ITGAM: variants seen among roughly 807,000 people sequenced by gnomAD.
ITGAM encodes the protein integrin subunit alpha M, also known as integrin alpha-M.
A neutral mutation model predicts 137.5 loss-of-function variants in ITGAM; 79 were observed. That is an observed-to-expected ratio of 0.57 (90% confidence interval 0.48 to 0.69). ITGAM has a LOEUF of 0.69. ITGAM is among the 30% of genes least tolerant of loss of function. ITGAM has a pLI of 0.00. For missense variants in ITGAM, 1,343 were observed against 1,483.5 expected, an observed-to-expected ratio of 0.91 and a Z score of 1.56; for synonymous variants, 583 against 592.3, an observed-to-expected ratio of 0.98 and a Z score of 0.23.
chr16:31,310,153 G>A (rs560250623), intron 14 of ITGAM, among the ~76,000 whole-genome samples: 1 of 151,950 alleles, frequency 6.6e-6, no homozygotes, highest in South Asian at 2.1e-4. Context: ...CAACTTTGGT[G>A]AATCTGACAA....
At position 31,321,323 on chromosome 16, in the gene ITGAM, G is replaced by A. The variant is rs199700282; in HGVS notation, c.1790G>A (p.Gly597Glu). The A allele has an allele frequency of 6.3e-5, 102 of 1,613,908 alleles. No individual in the cohort carries two copies. The highest frequency in any genetic ancestry group is 8.2e-5 in the Non-Finnish European group (97 of 1,179,894). Reference protein sequence around the residue: ...LSGGQDLTMDGLVDLTVGAQG... With the variant: ...LSGGQDLTMDELVDLTVGAQG... ...GGGGGCCAGGACCTCACAATGGATG[G>A]ACTGGTAGACCTGACTGTAGGAGCC... Residue 597 changes from glycine (G) to glutamate (E), a missense_variant, in exon 15 of 30, where the codon GGA (glycine) becomes GAA (glutamate). Coordinates refer to ENST00000544665, the MANE Select transcript of ITGAM (RefSeq NM_000632.4).
At chr16:31,298,188 T>A (rs377586875) in intron 14 of ITGAM, among the ~76,000 whole-genome samples, 10 of 120,556 alleles carry the variant, frequency 8.3e-5, no homozygotes, top group African/African-American at 3.5e-4. Context: ...GGCAACATGG[T>A]GAGAACCCAT....
Position 31,330,555 on chromosome 16 carries a change from G to A in ITGAM, c.3226G>A (p.Asp1076Asn). ...IVSTAEILFNDSVFTLLPGQG... is the reference protein window; with the variant it reads ...IVSTAEILFNNSVFTLLPGQG... ...GAGCACAGCTGAGATCTTGTTTAACGATTCCGTGTTCACCCTGCTGCCGGG... is the reference window on the plus strand; with the variant it reads ...GAGCACAGCTGAGATCTTGTTTAACAATTCCGTGTTCACCCTGCTGCCGGG... Residue 1076 changes from aspartate to asparagine, a missense_variant, in exon 28 of 30, where the codon GAT becomes AAT. Physicochemically the swap from Asp to Asn is conservative, Grantham distance 23 (BLOSUM62 1). Transcript: ENST00000544665. The A allele has an allele frequency of 1.9e-6, 3 of 1,613,442 alleles. No individual in the cohort carries two copies. The highest frequency in any genetic ancestry group is 2.5e-6 in the Non-Finnish European group (3 of 1,179,530).
At chr16:31,285,796 C>A (rs2080022773) in intron 12 of ITGAM, among the ~76,000 whole-genome samples, 1 of 150,958 alleles carries the variant, frequency 6.6e-6, no homozygotes, top group Non-Finnish European at 1.5e-5. Flanking sequence ...CTTTTCTTTT[C>A]TCTCTCTTTT....
chr16:31,313,150 G>A (rs1340038838), intron 14 of ITGAM, among the ~76,000 whole-genome samples: 8 of 151,994 alleles, frequency 5.3e-5, no homozygotes, highest in Non-Finnish European at 1.0e-4. Flanking sequence ...CCCAGGAGGC[G>A]GAGGTTGCAG....
At chr16:31,320,608 G>C (rs1335950846) in intron 14 of ITGAM, among the ~76,000 whole-genome samples, 1 of 152,092 alleles carries the variant, frequency 6.6e-6, no homozygotes, top group Non-Finnish European at 1.5e-5. Context: ...TTCTCTATTT[G>C]TTCCAATTAC....
At position 31,330,667 on chromosome 16, in the gene ITGAM, TG is replaced by T. The variant is rs1200830933; in HGVS notation, c.3276+67del. ...GAGGGGCTGCGCTTGTGGAGATTTC[TG>T]GGGGAGGAGAGAGAGACACAAAGAG... On this transcript the variant is annotated intron_variant, in intron 28 of 29. Transcript: ENST00000544665. 5 of 1,207,112 alleles carry T rather than the reference TG, an allele frequency of 4.1e-6. 1 individual carries two copies. The South Asian group carries it at 7.4e-5, about 18-fold the overall frequency. 74.8% of individuals were successfully genotyped at this position (1,207,112 alleles called of 1,614,324 possible).
intron 5 of ITGAM, among the ~76,000 whole-genome samples, chr16:31,266,479 T>C (rs1044470254): frequency 6.7e-6 from 1 of 148,900 alleles, no homozygotes; most frequent in Non-Finnish European, 1.5e-5. Context: ...CTTAGCTATT[T>C]GGAGGCCAAG....
intron 14 of ITGAM, among the ~76,000 whole-genome samples, chr16:31,303,310 A>C (rs2144407251): frequency 6.6e-6 from 1 of 152,270 alleles, no homozygotes; most frequent in South Asian, 2.1e-4. Context: ...TATAGATGTG[A>C]GCCACTGCAC....
chr16:31,283,288 C>A (rs1331176983), intron 12 of ITGAM, among the ~76,000 whole-genome samples: 1 of 152,188 alleles, frequency 6.6e-6, no homozygotes. Flanking sequence ...TGGGGAAGTT[C>A]TCCTGGATAA....
At chr16:31,294,740 T>C (rs1480823474) in intron 12 of ITGAM, among the ~76,000 whole-genome samples, 1 of 152,142 alleles carries the variant, frequency 6.6e-6, no homozygotes, top group Non-Finnish European at 1.5e-5. Flanking sequence ...ACCCCATTTG[T>C]CTGGTTTGCT....
intron 12 of ITGAM, among the ~76,000 whole-genome samples, chr16:31,286,199 C>T (rs933807636): frequency 2.0e-5 from 3 of 151,720 alleles, no homozygotes; most frequent in South Asian, 2.1e-4. Flanking sequence ...TTTATGGTGG[C>T]GTAGTATTTG....
Position 31,331,879 on chromosome 16 carries a change from G to C in ITGAM, c.*172G>C. The stretch of plus-strand genomic sequence containing the variant: ...TATGTGCGTGTGTGCAAGTGTCTGT[G>C]TGCAAGTGTGTGCACATGTGTGCGT... On this transcript the variant is annotated 3_prime_UTR_variant, in exon 30 of 30. Transcript: ENST00000544665. The C allele has an allele frequency of 1.8e-6, 1 of 561,838 alleles. No individual in the cohort carries two copies. The highest frequency in any genetic ancestry group is 2.0e-5 in the South Asian group (1 of 49,090). The allele number at this position is 561,838 out of a possible 1,614,324, so 34.8% of individuals were successfully genotyped here.
intron 14 of ITGAM, among the ~76,000 whole-genome samples, chr16:31,316,783 G>A (rs533625223): frequency 7.2e-4 from 109 of 151,864 alleles, no homozygotes; most frequent in African/African-American, 2.4e-3. Flanking sequence ...ACTTTCTTTC[G>A]TCAATGTTTT....
At chr16:31,272,782 T>C (rs2144294995) in intron 7 of ITGAM, among the ~76,000 whole-genome samples, 1 of 151,836 alleles carries the variant, frequency 6.6e-6, no homozygotes, top group African/African-American at 2.4e-5. Flanking sequence ...TAAATATATA[T>C]ATTTTTAAAA....
chr16:31,331,571 C>G, intron 29 of ITGAM, 65 bp from the exon 30 acceptor site: 3 of 1,200,654 alleles, frequency 2.5e-6, no homozygotes, highest in South Asian at 2.6e-5. Flanking sequence ...GCCCCCTCCC[C>G]CTGGTCTGCG....
In ITGAM at chr16:31,330,511, A is replaced by C. The variant is rs181883052; in HGVS notation, c.3182A>C (p.His1061Pro). The change falls in exon 28 of 30, where the codon CAT becomes CCT. Residue 1061 changes from histidine to proline, a missense_variant. Physicochemically the swap from His to Pro is moderately conservative, Grantham distance 77. Coordinates refer to ENST00000544665, the MANE Select transcript of ITGAM (RefSeq NM_000632.4). ...ACCCGCTCTCTTCCACAGACCTCGC[A>C]TAACCACCTCCTGATCGTGAGCACA... ...LSFDWYIKTS[H>P]NHLLIVSTAE... 5.0e-6 allele frequency: 8 copies of C among 1,613,788 alleles called. No homozygotes were observed. In the East Asian group the frequency reaches 1.8e-4, roughly 36 times the overall value.
At chr16:31,279,170 C>T (rs1360767896) in intron 12 of ITGAM, among the ~76,000 whole-genome samples, 1 of 152,190 alleles carries the variant, frequency 6.6e-6, no homozygotes, top group Non-Finnish European at 1.5e-5. Flanking sequence ...CAAGTCTTTG[C>T]TATTGTGAAT....
In ITGAM at chr16:31,273,495, G is replaced by A; in HGVS notation, c.835G>A (p.Gly279Arg). ...EDVIPEADREGVIRYVIGVGD... is the reference protein window; with the variant it reads ...EDVIPEADRERVIRYVIGVGD... Reference sequence around the variant, plus strand: ...TGTCATCCCTGAGGCAGACAGAGAGGGAGTCATTCGCTACGTCATTGGGGT... The same window carrying A: ...TGTCATCCCTGAGGCAGACAGAGAGAGAGTCATTCGCTACGTCATTGGGGT... The change falls in exon 8 of 30, where the codon GGA (glycine) becomes AGA (arginine). Residue 279 changes from glycine to arginine, a missense_variant. Physicochemically the swap from Gly to Arg is moderately radical, Grantham distance 125 (BLOSUM62 -2). Coordinates refer to ENST00000544665, the MANE Select transcript of ITGAM (RefSeq NM_000632.4). The A allele has an allele frequency of 6.2e-7, 1 of 1,613,686 alleles. No individual in the cohort carries two copies. Among genetic ancestry groups the A allele is most frequent in the Non-Finnish European group, 8.5e-7 (1 of 1,179,706 alleles).
Sources: allele counts gnomAD v4.1 joint callset (sites outside exome capture counted in the v4.1 genomes callset), GRCh38; gene constraint gnomAD v4.1.1; transcripts MANE v1.5; gene names NCBI Gene and HGNC (gene_info 2026-07-23, HGNC 2026-07-21).